Variants in NRXN1 observed in about 807,000 individuals in gnomAD.
NRXN1 encodes neurexin 1, also known as neurexin-1.
A neutral mutation model predicts 150.9 loss-of-function variants in NRXN1; 39 were observed. The ratio of observed to expected loss-of-function variants is 0.26; its 90% CI spans 0.20 to 0.34. The LOEUF is 0.34. Among genes scored for constraint, NRXN1 ranks in the 10% least tolerant of loss-of-function variants. The pLI, the probability that NRXN1 is intolerant of heterozygous loss-of-function variation, is 1.00. For missense variants in NRXN1, 1,815 were observed against 1,949.9 expected, an observed-to-expected ratio of 0.93 and a Z score of 1.30; for synonymous variants, 924 against 757.0, an observed-to-expected ratio of 1.22 and a Z score of -3.62.
chr2:50,460,397 G>C (rs958733541), intron 17 of NRXN1, among the ~76,000 whole-genome samples: 1 of 152,080 alleles, frequency 6.6e-6, no homozygotes, highest in South Asian at 2.1e-4. Flanking sequence ...GAATCATCAA[G>C]CTGCTCAACA....
intron 17 of NRXN1, among the ~76,000 whole-genome samples, chr2:50,427,167 A>C (rs1384769215): frequency 6.6e-6 from 1 of 152,146 alleles, no homozygotes; most frequent in East Asian, 1.9e-4. Flanking sequence ...GTGACGATAA[A>C]AATACTTTAA....
rs34696615 is a variant in NRXN1, at chr2:50,725,207, C to CT, written c.833-101593dup. 2.0e-4 allele frequency among the ~76,000 whole-genome samples: 29 copies of CT among 147,272 alleles called. 1 individual carries two copies. The highest frequency in any genetic ancestry group is 6.9e-3 in the Middle Eastern group (2 of 290). ...CCTTGTCATTTAATCTCTGAAAAAC[C>CT]TTTTTTTTTTAACCTATTAAATGTG... is the stretch of plus-strand genomic sequence containing the variant. On this transcript the variant is annotated intron_variant, in intron 5 of 22. Transcript: ENST00000401669.
intron 17 of NRXN1, among the ~76,000 whole-genome samples, chr2:50,274,537 A>G (rs944452018): frequency 1.3e-5 from 2 of 152,192 alleles, no homozygotes; most frequent in African/African-American, 4.8e-5. Flanking sequence ...CATTCTGCAC[A>G]TGTATCCCAG....
At chr2:50,865,625 T>C (rs1378402085) in intron 5 of NRXN1, among the ~76,000 whole-genome samples, 2 of 135,168 alleles carry the variant, frequency 1.5e-5, no homozygotes, top group Non-Finnish European at 3.2e-5. Flanking sequence ...TAGTAGCACC[T>C]GGCACACAGT....
intron 21 of NRXN1, among the ~76,000 whole-genome samples, chr2:50,027,614 A>T (rs1389820195): frequency 6.6e-6 from 1 of 151,796 alleles, no homozygotes; most frequent in Non-Finnish European, 1.5e-5. Flanking sequence ...CCTAATTTTT[A>T]TATTTTTTGT....
At chr2:51,006,084 A>C (rs1381851646) in intron 2 of NRXN1, among the ~76,000 whole-genome samples, 1 of 152,044 alleles carries the variant, frequency 6.6e-6, no homozygotes, top group East Asian at 2.0e-4. Context: ...AGAAGCTAGC[A>C]ATCTTCAAAA....
intron 21 of NRXN1, among the ~76,000 whole-genome samples, chr2:50,002,931 A>C (rs1684178399): frequency 6.6e-6 from 1 of 152,164 alleles, no homozygotes; most frequent in Admixed American, 6.5e-5. Flanking sequence ...GTAATGTTAC[A>C]AAACAGTCTT....
intron 21 of NRXN1, among the ~76,000 whole-genome samples, chr2:49,985,408 T>C (rs540461066): frequency 6.6e-6 from 1 of 152,150 alleles, no homozygotes; most frequent in Admixed American, 6.6e-5. Context: ...TTCTTAGAAT[T>C]TTCCTCCTTT....
At chr2:50,142,632 TAA>T (rs1707443696) in intron 18 of NRXN1, among the ~76,000 whole-genome samples, 1 of 151,894 alleles carries the variant, frequency 6.6e-6, no homozygotes, top group African/African-American at 2.4e-5. Flanking sequence ...GAAAGCTAAT[TAA>T]GTTTAAAAAA....
intron 21 of NRXN1, among the ~76,000 whole-genome samples, chr2:50,017,620 A>G (rs1469511782): frequency 6.6e-6 from 1 of 151,010 alleles, no homozygotes; most frequent in African/African-American, 2.4e-5. Flanking sequence ...TTTTCAGTGG[A>G]GCTGTTTTTC....
intron 8 of NRXN1, among the ~76,000 whole-genome samples, chr2:50,558,800 C>T (rs1399501665): frequency 1.3e-5 from 2 of 152,178 alleles, no homozygotes; most frequent in Non-Finnish European, 2.9e-5. Flanking sequence ...TGGCTCAGGC[C>T]TGTAATCCCA....
At chr2:49,941,694 A>G (rs1672001670) in intron 22 of NRXN1, among the ~76,000 whole-genome samples, 1 of 152,154 alleles carries the variant, frequency 6.6e-6, no homozygotes, top group African/African-American at 2.4e-5. Context: ...TCGCTGTATT[A>G]ATACTGTGTA....
At position 50,822,692 on chromosome 2, in the gene NRXN1, C is replaced by T. The variant is rs139909424; in HGVS notation, c.832+99177G>A. Among the ~76,000 whole-genome samples the T allele has an allele frequency of 9.2e-5, 14 of 152,216 alleles. No homozygotes were observed. The East Asian group carries it at 2.7e-3, about 29-fold the overall frequency. On this transcript the variant is annotated intron_variant, in intron 5 of 22. Transcript: ENST00000401669. Reference sequence around the variant, plus strand: ...TATGATAAGATAATTAGCAACCTTGCTAATGTAGTTCTTCAAACATTAAAT... The same window carrying T: ...TATGATAAGATAATTAGCAACCTTGTTAATGTAGTTCTTCAAACATTAAAT...
intron 17 of NRXN1, among the ~76,000 whole-genome samples, chr2:50,464,902 A>G (rs2088653412): frequency 6.6e-6 from 1 of 151,898 alleles, no homozygotes; most frequent in African/African-American, 2.4e-5. Context: ...TTATATTGTA[A>G]TACTTAGTTA....
intron 18 of NRXN1, among the ~76,000 whole-genome samples, chr2:50,192,923 T>A (rs2061539200): frequency 6.6e-6 from 1 of 152,166 alleles, no homozygotes; most frequent in Non-Finnish European, 1.5e-5. Flanking sequence ...ACAGGAAGAA[T>A]ACGTAATAAT....
chr2:50,258,667 T>C (rs891184665), intron 17 of NRXN1, among the ~76,000 whole-genome samples: 2 of 152,124 alleles, frequency 1.3e-5, no homozygotes, highest in South Asian at 4.1e-4. Flanking sequence ...GTAAATCCTT[T>C]CCAGAAGGTT....
intron 18 of NRXN1, among the ~76,000 whole-genome samples, chr2:50,180,740 G>A (rs541261817): frequency 7.2e-5 from 11 of 152,034 alleles, no homozygotes; most frequent in Admixed American, 2.6e-4. Context: ...AGACCCATGA[G>A]GAAAATAATT....
chr2:50,924,060 T>C (rs936388728), intron 3 of NRXN1, among the ~76,000 whole-genome samples: 4 of 151,824 alleles, frequency 2.6e-5, no homozygotes, highest in Non-Finnish European at 4.4e-5. Context: ...TAGTGGCTTA[T>C]TTGTCCAGGT....
chr2:50,403,833 G>A (rs763654549), intron 17 of NRXN1, among the ~76,000 whole-genome samples: 1 of 152,000 alleles, frequency 6.6e-6, no homozygotes, highest in Non-Finnish European at 1.5e-5. Flanking sequence ...ATAGACTCAA[G>A]TCTAAGCAGA....
Sources: gnomAD v4.1 joint callset for allele counts (sites outside exome capture counted in the v4.1 genomes callset) on GRCh38, gnomAD v4.1.1 for gene constraint, MANE v1.5 for transcripts, NCBI Gene and HGNC (gene_info 2026-07-23, HGNC 2026-07-21) for gene names.